Variants in DYNC2I1 observed in about 807,000 individuals in gnomAD.
DYNC2I1 encodes dynein 2 intermediate chain 1.
DYNC2I1 carries 89 observed loss-of-function variants against 133.4 expected under a neutral mutation model. That is an observed-to-expected ratio of 0.67 (90% CI 0.56 to 0.80). The LOEUF is 0.80. DYNC2I1 is among the 30% of genes least tolerant of loss of function. The pLI is 0.00. For synonymous variants in DYNC2I1, 504 were observed against 484.3 expected, an observed-to-expected ratio of 1.04 and a Z score of -0.54; for missense variants, 1,291 against 1,314.5, an observed-to-expected ratio of 0.98 and a Z score of 0.28.
chr7:158,899,200 T>A (rs1008029258), intron 8 of DYNC2I1, among the ~76,000 whole-genome samples: 2 of 152,228 alleles, frequency 1.3e-5, no homozygotes, highest in African/African-American at 4.8e-5. Context: ...ATGTAAATAG[T>A]TGTTATACTG....
At chr7:158,888,313 G>T (rs760142884) in intron 7 of DYNC2I1, among the ~76,000 whole-genome samples, 28 of 151,742 alleles carry the variant, frequency 1.8e-4, no homozygotes, top group Non-Finnish European at 3.4e-4. Flanking sequence ...GTGAGCCACC[G>T]CACCCAGCCT....
chr7:158,882,421 CA>C (rs536138981), intron 5 of DYNC2I1, among the ~76,000 whole-genome samples: 26 of 146,960 alleles, frequency 1.8e-4, no homozygotes, highest in Admixed American at 4.1e-4. Context: ...CCATCTCTAC[CA>C]AAAAAAAAAA....
At chr7:158,893,239 C>G (rs1450195374) in intron 8 of DYNC2I1, among the ~76,000 whole-genome samples, 1 of 152,084 alleles carries the variant, frequency 6.6e-6, no homozygotes, top group Non-Finnish European at 1.5e-5. Context: ...GCTGTTCATC[C>G]CTCCCTTCCC....
chr7:158,883,649 C>T (rs1456354744), intron 5 of DYNC2I1, among the ~76,000 whole-genome samples: 7 of 149,086 alleles, frequency 4.7e-5, no homozygotes, highest in Non-Finnish European at 7.4e-5. Context: ...GCTTCCTGAC[C>T]AGTGACTTCT....
the DYNC2I1 span, among the ~76,000 whole-genome samples, chr7:158,845,538 A>G: frequency 6.6e-6 from 1 of 152,162 alleles, no homozygotes; most frequent in African/African-American, 2.4e-5. Context: ...AAATAGAATA[A>G]TTGTTGCTTG....
intron 15 of DYNC2I1, among the ~76,000 whole-genome samples, chr7:158,919,118 ATTGT>A (rs1168259553): frequency 6.6e-6 from 1 of 152,214 alleles, no homozygotes; most frequent in Non-Finnish European, 1.5e-5. Context: ...AACATGTGAG[ATTGT>A]TTGAATGAAT....
chr7:158,916,119 A>T (rs1369118159), intron 14 of DYNC2I1, among the ~76,000 whole-genome samples: 1 of 83,474 alleles, frequency 1.2e-5, no homozygotes, highest in African/African-American at 3.7e-5. Context: ...GGTTGACATT[A>T]AGGATGATTG....
chr7:158,856,357 C>T (rs1841224445), upstream of DYNC2I1, among the ~76,000 whole-genome samples: 1 of 152,260 alleles, frequency 6.6e-6, no homozygotes, highest in South Asian at 2.1e-4. Flanking sequence ...GCCCCTGCAC[C>T]CCAAGTCAGG....
rs1373562180 is a variant in DYNC2I1, at chr7:158,856,578, C to G, written c.-158C>G. The G allele has an allele frequency of 2.8e-6, 2 of 713,296 alleles. No individual in the cohort carries two copies. Among genetic ancestry groups the G allele is most frequent in the African/African-American group, 1.8e-5 (1 of 54,138 alleles). 44.2% of individuals were successfully genotyped at this position (713,296 alleles called of 1,614,324 possible). A position where few individuals can be genotyped will look rare whatever the true frequency, so the allele number is the denominator to read the frequency against. ...GCACTGGGAGAGGCCGCAGGGCACG[C>G]TGGGCAGTGCTTCTGGGCCCTCTGC... On this transcript the variant is annotated 5_prime_UTR_variant, in exon 1 of 25. Coordinates refer to ENST00000407559, the MANE Select transcript of DYNC2I1 (RefSeq NM_018051.5).
chr7:158,862,838 G>A (rs1287298815), intron 1 of DYNC2I1, among the ~76,000 whole-genome samples: 1 of 152,060 alleles, frequency 6.6e-6, no homozygotes, highest in Non-Finnish European at 1.5e-5. Flanking sequence ...TCCTTCTGGT[G>A]GGTTTGTGGT....
chr7:158,881,081 G>C (rs750461400), intron 5 of DYNC2I1, among the ~76,000 whole-genome samples: 1 of 152,236 alleles, frequency 6.6e-6, no homozygotes, highest in African/African-American at 2.4e-5. Context: ...GAATGCCAGT[G>C]GGTTAGAACT....
chr7:158,891,313 C>A lies in DYNC2I1; in HGVS notation c.1039C>A (p.Pro347Thr), dbSNP rs748753193. 76 of 1,613,920 alleles carry A rather than the reference C, an allele frequency of 4.7e-5. No homozygotes were observed. Among genetic ancestry groups the A allele is most frequent in the Non-Finnish European group, 6.2e-5 (73 of 1,179,912 alleles). Residue 347 changes from proline to threonine, a missense_variant, in exon 8 of 25, where the codon CCG becomes ACG. Pro to Thr is a conservative substitution (Grantham distance 38). Transcript: ENST00000407559. The stretch of plus-strand genomic sequence containing the variant: ...TGTGTGGTGGAAGCTGGACCAGAGG[C>A]CGGGAGGCGAGGAAACCGTGGTAAG... ...SSVWWKLDQR[P>T]GGEETVEIEK...
chr7:158,848,608 G>T, the DYNC2I1 span, among the ~76,000 whole-genome samples: 1 of 152,180 alleles, frequency 6.6e-6, no homozygotes, highest in Non-Finnish European at 1.5e-5. Flanking sequence ...GTTAAACAAA[G>T]GTCTTTACAA....
intron 11 of DYNC2I1, among the ~76,000 whole-genome samples, chr7:158,907,392 T>C (rs1384737717): frequency 6.6e-6 from 1 of 150,756 alleles, no homozygotes; most frequent in African/African-American, 2.4e-5. Context: ...TTTAGACTCA[T>C]ATAAATATGA....
intron 14 of DYNC2I1, among the ~76,000 whole-genome samples, chr7:158,915,392 C>CAG (rs1847999114): frequency 9.9e-6 from 1 of 101,510 alleles, no homozygotes; most frequent in Non-Finnish European, 2.2e-5. Context: ...CGTCGACATG[C>CAG]TGGTTGACAT....
chr7:158,909,736 C>T (rs943195937), intron 11 of DYNC2I1, among the ~76,000 whole-genome samples: 2 of 152,194 alleles, frequency 1.3e-5, no homozygotes, highest in South Asian at 4.1e-4. Flanking sequence ...TGTTTCCATT[C>T]AGGTTTGCAT....
At chr7:158,940,751 TAAG>T (rs568624316) in intron 23 of DYNC2I1, among the ~76,000 whole-genome samples, 31 of 147,850 alleles carry the variant, frequency 2.1e-4, no homozygotes, top group Non-Finnish European at 3.5e-4. Flanking sequence ...ATTAAGAAAT[TAAG>T]AAGGACATTT....
intron 17 of DYNC2I1, 69 bp downstream of exon 17, chr7:158,923,802 T>C (rs1394295797): frequency 6.5e-7 from 1 of 1,547,652 alleles, no homozygotes; most frequent in Non-Finnish European, 8.7e-7. Flanking sequence ...AACAAAGCTT[T>C]ACATGGATTT....
At chr7:158,913,510 A>T (rs903920958) in intron 13 of DYNC2I1, among the ~76,000 whole-genome samples, 1 of 152,192 alleles carries the variant, frequency 6.6e-6, no homozygotes, top group African/African-American at 2.4e-5. Flanking sequence ...ATCAATTTAT[A>T]TCGAAGGTCC....
Sources: gnomAD v4.1 joint callset for allele counts (sites outside exome capture counted in the v4.1 genomes callset) on GRCh38, gnomAD v4.1.1 for gene constraint, MANE v1.5 for transcripts, NCBI Gene and HGNC (gene_info 2026-07-23, HGNC 2026-07-21) for gene names.